Variants in ESRRG observed in about 807,000 individuals in gnomAD.
ESRRG encodes the protein estrogen-related receptor gamma.
In ESRRG, 13 loss-of-function variants were observed where a neutral mutation model predicts 44.0. That is an observed-to-expected ratio of 0.30 (90% CI 0.19 to 0.47). The LOEUF (loss-of-function observed/expected upper bound fraction) is 0.47, where lower values mean the gene tolerates loss of function less well. Ranked by LOEUF, ESRRG falls within the 20% of genes least tolerant of loss-of-function variation. The pLI, the probability that ESRRG is intolerant of heterozygous loss-of-function variation, is 1.00. For synonymous variants in ESRRG, 215 were observed against 214.6 expected, an observed-to-expected ratio of 1.00 and a Z score of -0.02; for missense variants, 395 against 580.6, an observed-to-expected ratio of 0.68 and a Z score of 3.29.
chr1:216,701,439 A>G (rs967433824), intron 1 of ESRRG: 4 of 152,194 alleles, frequency 2.6e-5, no homozygotes, highest in African/African-American at 9.7e-5. Flanking sequence ...TCGTTCCTCT[A>G]TGCACAGATG....
intron 1 of ESRRG, among the ~76,000 whole-genome samples, chr1:216,959,868 A>C (rs1456171404): frequency 1.3e-5 from 2 of 152,114 alleles, no homozygotes. Context: ...TAATAATAAA[A>C]CAGACAGATA....
rs563485725 is a variant in ESRRG at position 217,132,014 on chromosome 1, G to A, written c.-230+5653C>T. On this transcript the variant is annotated intron_variant, in intron 1 of 8. Transcript: ENST00000366940. Reference sequence around the variant, plus strand: ...CCAATAAGGGAGGGCACAAGATTAGGAAGACCCCATTGCTGGAGCTCTGGA... The same window carrying A: ...CCAATAAGGGAGGGCACAAGATTAGAAAGACCCCATTGCTGGAGCTCTGGA... Among the ~76,000 whole-genome samples the A allele has an allele frequency of 4.6e-5, 7 of 152,292 alleles. No homozygotes were observed. The South Asian group carries it at 1.5e-3, about 32-fold the overall frequency.
At chr1:216,665,964 C>T (rs1205311753) in intron 2 of ESRRG, among the ~76,000 whole-genome samples, 1 of 152,074 alleles carries the variant, frequency 6.6e-6, no homozygotes, top group African/African-American at 2.4e-5. Flanking sequence ...TGTCTAAGTT[C>T]ATCTAGTAGT....
At chr1:216,795,342 C>CTTTTTTT (rs35142972) in intron 2 of ESRRG, among the ~76,000 whole-genome samples, 135 of 105,402 alleles carry the variant, frequency 1.3e-3, no homozygotes, top group Non-Finnish European at 1.7e-3. Context: ...TTTTCTTTTT[C>CTTTTTTT]TTTTTTTTTT....
chr1:216,736,072 C>T (rs1205261339), intron 2 of ESRRG, among the ~76,000 whole-genome samples: 1 of 149,478 alleles, frequency 6.7e-6, no homozygotes. Flanking sequence ...AAGATGAGAA[C>T]AGGGGGGGAG....
At chr1:216,725,949 C>A (rs979150128), upstream of ESRRG, among the ~76,000 whole-genome samples, 8 of 152,104 alleles carry the variant, frequency 5.3e-5, no homozygotes, top group Non-Finnish European at 1.0e-4. Context: ...TCTCAAGTCA[C>A]CAAATGTCGT....
intron 1 of ESRRG, among the ~76,000 whole-genome samples, chr1:217,018,147 C>T (rs11585218): frequency 0.15 from 22,371 of 152,140 alleles, 2,144 homozygotes; most frequent in East Asian, 0.21. Context: ...TATTAAATGT[C>T]TTCCTAGCTG....
intron 1 of ESRRG, chr1:217,078,479 G>T (rs972150387): frequency 6.6e-6 from 1 of 152,210 alleles, no homozygotes; most frequent in Non-Finnish European, 1.5e-5. Context: ...AGCAACCTTT[G>T]ACAACTTCAC....
In ESRRG at chr1:216,767,284, C is replaced by T. The variant is rs141294921; in HGVS notation, c.-13-89793G>A. 3.9e-4 allele frequency among the ~76,000 whole-genome samples: 59 copies of T among 152,024 alleles called. No individual in the cohort carries two copies. The East Asian group carries it at 8.7e-3, about 22-fold the overall frequency. ...AGGACAAAAAACACACACACACACA[C>T]GCAAAGGAGTGGGTATTGGCCAAAA... On this transcript the variant is annotated intron_variant, in intron 2 of 7. Coordinates refer to the ESRRG transcript ENST00000359162.
rs1425261476 is a variant in ESRRG at position 216,728,794 on chromosome 1, G to GT, written c.-13-51304dup. Among the ~76,000 whole-genome samples the GT allele has an allele frequency of 8.2e-4, 121 of 147,742 alleles. 1 individual carries two copies. Among genetic ancestry groups the GT allele is most frequent in the African/African-American group, 2.7e-3 (109 of 40,094 alleles). On this transcript the variant is annotated intron_variant, in intron 2 of 7. Coordinates refer to the ESRRG transcript ENST00000359162. Reference sequence around the variant, plus strand: ...TTTTGTCCGAATTTTCAAAGGACTAGTAAAAAAAAAAAAAGTAAGATATTA... The same window carrying GT: ...TTTTGTCCGAATTTTCAAAGGACTAGTTAAAAAAAAAAAAAGTAAGATATTA...
At chr1:216,722,360 C>T (rs569939554) in intron 1 of ESRRG, among the ~76,000 whole-genome samples, 23 of 152,088 alleles carry the variant, frequency 1.5e-4, no homozygotes, top group Non-Finnish European at 3.2e-4. Context: ...AGTTTATCAC[C>T]TACTCATTTA....
rs577524315 is a variant in ESRRG, at chr1:216,504,006, T to C, written c.*2933A>G. ...TAAAGCCCGTGCAGTTCTTTTTAAATCCACGTTTTAGTTTTATTTCCTATT... is the reference window on the plus strand; with the variant it reads ...TAAAGCCCGTGCAGTTCTTTTTAAACCCACGTTTTAGTTTTATTTCCTATT... On this transcript the variant is annotated 3_prime_UTR_variant, in exon 7 of 7. Transcript: ENST00000408911. 7.2e-5 allele frequency: 11 copies of C among 152,658 alleles called. No individual in the cohort carries two copies. Among genetic ancestry groups the C allele is most frequent in the Non-Finnish European group, 1.3e-4 (9 of 67,970 alleles). 9.5% of individuals were successfully genotyped at this position (152,658 alleles called of 1,614,324 possible).
intron 3 of ESRRG, among the ~76,000 whole-genome samples, chr1:216,619,409 G>A (rs2061871258): frequency 6.6e-6 from 1 of 152,156 alleles, no homozygotes; most frequent in Non-Finnish European, 1.5e-5. Flanking sequence ...TCATCAAACA[G>A]CCCATTATCT....
At chr1:216,780,011 T>C (rs182651434) in intron 2 of ESRRG, among the ~76,000 whole-genome samples, 60 of 152,022 alleles carry the variant, frequency 3.9e-4, no homozygotes, top group African/African-American at 1.4e-3. Context: ...TGCCTTGTCT[T>C]CTTCTACATA....
At chr1:216,917,158 CTTTT>C (rs534545705) in intron 2 of ESRRG, among the ~76,000 whole-genome samples, 4 of 130,614 alleles carry the variant, frequency 3.1e-5, no homozygotes, top group Admixed American at 1.6e-4. Flanking sequence ...AATAGACTTT[CTTTT>C]TTTTTTTTTT....
At chr1:216,571,446 A>AAAAC (rs752721657) in intron 3 of ESRRG, among the ~76,000 whole-genome samples, 54 of 152,164 alleles carry the variant, frequency 3.5e-4, no homozygotes, top group African/African-American at 1.2e-4. Flanking sequence ...GCCATCTCAA[A>AAAAC]AAACAAACAA....
At chr1:216,592,525 T>TA (rs1169727275) in intron 3 of ESRRG, among the ~76,000 whole-genome samples, 1 of 151,858 alleles carries the variant, frequency 6.6e-6, no homozygotes, top group Non-Finnish European at 1.5e-5. Context: ...CTTCTGGAGA[T>TA]AGAGTCTTGC....
At chr1:216,547,099 T>C (rs922936934) in intron 5 of ESRRG, among the ~76,000 whole-genome samples, 3 of 152,004 alleles carry the variant, frequency 2.0e-5, no homozygotes, top group African/African-American at 4.8e-5. Context: ...GGCAAGTTGT[T>C]TGACTTCGTT....
chr1:216,912,184 AG>A (rs1210922764), intron 2 of ESRRG, among the ~76,000 whole-genome samples: 2,579 of 10,636 alleles, frequency 0.24, 351 homozygotes, highest in East Asian at 0.53. Context: ...AGAAAAGAAA[AG>A]GAGAGGAGAG....
Sources: allele counts gnomAD v4.1 joint callset (sites outside exome capture counted in the v4.1 genomes callset), GRCh38; gene constraint gnomAD v4.1.1; transcripts MANE v1.5; gene names NCBI Gene and HGNC (gene_info 2026-07-23, HGNC 2026-07-21).